Variants in PPFIBP2 observed in about 807,000 individuals in gnomAD.
PPFIBP2 encodes the protein PPFIB scaffold protein 2, also known as liprin-beta-2.
PPFIBP2 carries 118 observed loss-of-function variants against 118.3 expected under a neutral mutation model. That is an observed-to-expected ratio of 1.00 (90% CI 0.86 to 1.16). PPFIBP2 has a LOEUF of 1.16. Ranked by LOEUF, PPFIBP2 falls within the 50% of genes most tolerant of loss-of-function variation. The pLI is 0.00. For missense variants in PPFIBP2, 1,195 were observed against 1,073.1 expected (o/e 1.11, Z -1.59); for synonymous variants, 414 against 397.4 (o/e 1.04, Z -0.50).
chr11:7,640,575 G>A (rs1852041313), intron 15 of PPFIBP2, among the ~76,000 whole-genome samples: 1 of 152,218 alleles, frequency 6.6e-6, no homozygotes, highest in Admixed American at 6.5e-5. Flanking sequence ...GCTGGCCCAT[G>A]CATTGGCCTA....
At chr11:7,545,444 ACAAAAC>A (rs1259513379) in intron 1 of PPFIBP2, among the ~76,000 whole-genome samples, 22 of 152,306 alleles carry the variant, frequency 1.4e-4, no homozygotes, top group Non-Finnish European at 2.1e-4. Flanking sequence ...AAAAACAAAA[ACAAAAC>A]AAAACAAAAA....
chr11:7,628,208 T>TTGGGGGACA (rs1431250876), intron 8 of PPFIBP2, 77 bp from the exon 9 acceptor site: 6 of 1,247,632 alleles, frequency 4.8e-6, no homozygotes, highest in Non-Finnish European at 5.7e-6. Flanking sequence ...TCATTTGAAC[T>TTGGGGGACA]TGGGGGACAT....
intron 1 of PPFIBP2, among the ~76,000 whole-genome samples, chr11:7,532,867 ATT>A (rs1850850202): frequency 1.3e-5 from 2 of 152,250 alleles, no homozygotes; most frequent in Non-Finnish European, 2.9e-5. Context: ...GAAGGCTCAA[ATT>A]ACAGAATACA....
Position 7,628,349 on chromosome 11 carries a change from A to G in PPFIBP2, c.888+3A>G. On this transcript the variant is annotated splice_donor_region_variant and intron_variant, in intron 9 of 23. Coordinates refer to ENST00000299492, the MANE Select transcript of PPFIBP2 (RefSeq NM_003621.5). ...TGCTGCTTGCCAATGAAGATAAGGT[A>G]AGATGGTCATTGGGTAGCCCTGTCT... 2 of 1,613,632 alleles carry G rather than the reference A, an allele frequency of 1.2e-6. No homozygotes were observed. The highest frequency in any genetic ancestry group is 2.2e-5 in the South Asian group (2 of 91,028).
chr11:7,584,364 T>TTA (rs1408904408), intron 3 of PPFIBP2, among the ~76,000 whole-genome samples: 5 of 152,174 alleles, frequency 3.3e-5, no homozygotes, highest in Admixed American at 6.5e-5. Context: ...TAACCTCCCC[T>TTA]TATATATAAT....
intron 3 of PPFIBP2, among the ~76,000 whole-genome samples, chr11:7,580,074 T>C (rs1240523977): frequency 2.0e-5 from 3 of 152,306 alleles, no homozygotes; most frequent in African/African-American, 7.2e-5. Flanking sequence ...TTTGAGACCA[T>C]TAGCAGCCCA....
At chr11:7,634,369 T>C in intron 12 of PPFIBP2, 126 bp from the exon 13 acceptor site, 1 of 712,314 alleles carries the variant, frequency 1.4e-6, no homozygotes. Flanking sequence ...TATGAGAGGG[T>C]ATTTTTTTTT....
chr11:7,647,679 G>A lies in PPFIBP2; in HGVS notation c.1647-708G>A, dbSNP rs112528594. On this transcript the variant is annotated intron_variant, in intron 17 of 23. Coordinates refer to ENST00000299492, the MANE Select transcript of PPFIBP2 (RefSeq NM_003621.5). ...TTACATATGTTTATATGTGTATTTC[G>A]TAAGTGGCCACCTCACTGAGCTTTC... is the stretch of plus-strand genomic sequence containing the variant. 1.6e-3 allele frequency among the ~76,000 whole-genome samples: 249 copies of A among 152,246 alleles called. 1 individual carries two copies. The highest frequency in any genetic ancestry group is 5.3e-3 in the African/African-American group (222 of 41,550).
rs781406423 is a variant in PPFIBP2 at position 7,653,317 on chromosome 11, C to T, written c.*99C>T. 2.0e-5 allele frequency: 31 copies of T among 1,544,280 alleles called. No homozygotes were observed. Among genetic ancestry groups the T allele is most frequent in the Admixed American group, 1.5e-4 (8 of 51,950 alleles). ...CTCACCCCCGCACGTGTGCATGACT[C>T]GCAGAGAATATTCCAGCAATTGTGT... On this transcript the variant is annotated 3_prime_UTR_variant, in exon 24 of 24. Transcript: ENST00000299492.
intron 1 of PPFIBP2, among the ~76,000 whole-genome samples, chr11:7,548,710 G>T (rs1313402561): frequency 6.6e-6 from 1 of 152,192 alleles, no homozygotes; most frequent in East Asian, 1.9e-4. Flanking sequence ...ATAGCTAGGG[G>T]ATACAGCATT....
At chr11:7,550,331 G>A (rs1042397909) in intron 2 of PPFIBP2, among the ~76,000 whole-genome samples, 44 of 152,330 alleles carry the variant, frequency 2.9e-4, no homozygotes, top group African/African-American at 8.2e-4. Flanking sequence ...GGAAGAGAGC[G>A]TGGAGGAAGG....
chr11:7,605,571 A>T (rs925250561), intron 5 of PPFIBP2, among the ~76,000 whole-genome samples: 1 of 152,248 alleles, frequency 6.6e-6, no homozygotes, highest in African/African-American at 2.4e-5. Context: ...TAACAAATGC[A>T]CATGAGGCCT....
At chr11:7,632,782 A>C in intron 11 of PPFIBP2, 85 bp from the exon 12 acceptor site, 2 of 1,079,700 alleles carry the variant, frequency 1.9e-6, no homozygotes, top group Non-Finnish European at 2.8e-6. Flanking sequence ...TCTCCCTAAA[A>C]GGAATCATGT....
intron 1 of PPFIBP2, among the ~76,000 whole-genome samples, chr11:7,516,556 G>C (rs533181595): frequency 6.6e-6 from 1 of 152,140 alleles, no homozygotes; most frequent in African/African-American, 2.4e-5. Context: ...AACATGAGGC[G>C]GTGTGGGGCA....
chr11:7,533,867 G>T (rs1167698255), intron 1 of PPFIBP2, among the ~76,000 whole-genome samples: 1 of 152,226 alleles, frequency 6.6e-6, no homozygotes, highest in African/African-American at 2.4e-5. Flanking sequence ...GCTGCAAAAT[G>T]CAGCTTCTCT....
At chr11:7,626,261 G>A (rs1168959540) in intron 8 of PPFIBP2, among the ~76,000 whole-genome samples, 1 of 152,176 alleles carries the variant, frequency 6.6e-6, no homozygotes, top group Non-Finnish European at 1.5e-5. Context: ...CAAAGGGGAG[G>A]CTTTAGAAAT....
intron 7 of PPFIBP2, among the ~76,000 whole-genome samples, chr11:7,623,234 T>TTCA (rs1375774317): frequency 2.0e-5 from 3 of 152,150 alleles, no homozygotes; most frequent in Admixed American, 6.5e-5. Context: ...CTGAAGGGGA[T>TTCA]TCATCTCCCA....
In PPFIBP2 at chr11:7,651,741, C is replaced by T. The variant is rs765509847; in HGVS notation, c.2333C>T (p.Thr778Ile). 3 of 1,614,152 alleles carry T rather than the reference C, an allele frequency of 1.9e-6. No individual in the cohort carries two copies. The highest frequency in any genetic ancestry group is 2.5e-6 in the Non-Finnish European group (3 of 1,179,960). ...PQKTLLRRHL[T>I]TKFNALIGPE... The stretch of plus-strand genomic sequence containing the variant: ...AAGACGCTCCTCAGGCGCCACCTGA[C>T]CACCAAGTTCAATGCCTTGATTGGT... Residue 778 changes from threonine to isoleucine, a missense_variant, in exon 23 of 24, where the codon ACC becomes ATC. Coordinates refer to ENST00000299492, the MANE Select transcript of PPFIBP2 (RefSeq NM_003621.5).
At chr11:7,654,086 G>A (rs1394346746), downstream of PPFIBP2, among the ~76,000 whole-genome samples, 1 of 152,230 alleles carries the variant, frequency 6.6e-6, no homozygotes, top group Non-Finnish European at 1.5e-5. Context: ...CCCCCCCAGT[G>A]AAGGGGATGG....
Sources: gnomAD v4.1 joint callset for allele counts (sites outside exome capture counted in the v4.1 genomes callset) on GRCh38, gnomAD v4.1.1 for gene constraint, MANE v1.5 for transcripts, NCBI Gene and HGNC (gene_info 2026-07-23, HGNC 2026-07-21) for gene names.